ZFP64: variants seen among roughly 807,000 people sequenced by gnomAD.
ZFP64 encodes ZFP64 zinc finger protein, also known as zinc finger protein 64.
ZFP64 carries 14 observed loss-of-function variants against 51.6 expected under a neutral mutation model. The ratio of observed to expected loss-of-function variants is 0.27; its 90% confidence interval spans 0.18 to 0.42. The LOEUF (loss-of-function observed/expected upper bound fraction) is 0.42, where lower values mean the gene tolerates loss of function less well. Among genes scored for constraint, ZFP64 ranks in the 10% least tolerant of loss-of-function variants. The pLI, the probability that ZFP64 is intolerant of heterozygous loss-of-function variation, is 1.00. For synonymous variants in ZFP64, 375 were observed against 361.4 expected (o/e 1.04, Z -0.43); for missense variants, 754 against 906.8 (o/e 0.83, Z 2.16).
intron 5 of ZFP64, chr20:52,105,382 A>G: frequency 8.1e-7 from 1 of 1,236,728 alleles, no homozygotes; most frequent in Non-Finnish European, 1.0e-6. Context: ...CGATTTATCA[A>G]GAGTCCTGAC....
At chr20:52,129,988 C>T (rs1029873846) in intron 5 of ZFP64, among the ~76,000 whole-genome samples, 9 of 152,154 alleles carry the variant, frequency 5.9e-5, no homozygotes, top group African/African-American at 1.9e-4. Flanking sequence ...TCCCTGGCCA[C>T]GTTCCTGCTT....
intron 7 of ZFP64, among the ~76,000 whole-genome samples, chr20:52,092,900 C>T (rs576863497): frequency 1.3e-4 from 20 of 152,062 alleles, no homozygotes; most frequent in African/African-American, 4.6e-4. Flanking sequence ...ATAACAATGA[C>T]AAATTATGCT....
chr20:52,086,938 T>C (rs1431981091), intron 8 of ZFP64, among the ~76,000 whole-genome samples: 1 of 152,214 alleles, frequency 6.6e-6, no homozygotes, highest in African/African-American at 2.4e-5. Flanking sequence ...GTTTCCTCCC[T>C]TCCTTTGCTA....
intron 5 of ZFP64, among the ~76,000 whole-genome samples, chr20:52,123,187 C>T (rs998569710): frequency 6.6e-6 from 1 of 152,050 alleles, no homozygotes; most frequent in African/African-American, 2.4e-5. Flanking sequence ...GATGGGGTTT[C>T]GCCATGTTAG....
chr20:52,176,843 T>A (rs565449229), intron 2 of ZFP64, among the ~76,000 whole-genome samples: 21 of 152,346 alleles, frequency 1.4e-4, no homozygotes, highest in African/African-American at 5.1e-4. Flanking sequence ...GCTGCGTGCC[T>A]GCCTATAATT....
chr20:52,119,533 A>ATATATATAT (rs1555802531), intron 5 of ZFP64, among the ~76,000 whole-genome samples: 11 of 89,836 alleles, frequency 1.2e-4, no homozygotes, highest in African/African-American at 4.7e-4. Flanking sequence ...AAAAAAAAAA[A>ATATATATAT]ATATATATAT....
At chr20:52,099,250 G>A (rs2079025696) in intron 5 of ZFP64, among the ~76,000 whole-genome samples, 1 of 151,994 alleles carries the variant, frequency 6.6e-6, no homozygotes, top group Non-Finnish European at 1.5e-5. Context: ...TTAGGGGAGA[G>A]GTGGAATAAG....
intron 1 of ZFP64, among the ~76,000 whole-genome samples, chr20:52,188,828 T>C (rs1344232395): frequency 1.3e-5 from 2 of 151,320 alleles, no homozygotes; most frequent in East Asian, 2.0e-4. Flanking sequence ...CAAAAAAAAT[T>C]AGCCCGGCGT....
In ZFP64 at chr20:52,151,306, T is replaced by A. The variant is rs528318075; in HGVS notation, c.*840A>T. Reference sequence around the variant, plus strand: ...ATTTTAATCAGATATCAATTTATTATGGAACCATTCATTTTCTGCTCATTA... The same window carrying A: ...ATTTTAATCAGATATCAATTTATTAAGGAACCATTCATTTTCTGCTCATTA... On this transcript the variant is annotated 3_prime_UTR_variant, in exon 6 of 6. Coordinates refer to ENST00000216923, the MANE Select transcript of ZFP64 (RefSeq NM_018197.3). 1.0e-6 allele frequency: 1 copy of A among 985,346 alleles called. No homozygotes were observed. The highest frequency in any genetic ancestry group is 1.1e-4 in the East Asian group (1 of 8,820). 61.0% of individuals were successfully genotyped at this position (985,346 alleles called of 1,614,324 possible). A position where few individuals can be genotyped will look rare whatever the true frequency, so the allele number is the denominator to read the frequency against.
At chr20:52,106,237 T>C (rs548111028) in intron 5 of ZFP64, among the ~76,000 whole-genome samples, 1 of 152,266 alleles carries the variant, frequency 6.6e-6, no homozygotes, top group South Asian at 2.1e-4. Flanking sequence ...GGGACCTCGA[T>C]GAGACCCGAG....
chr20:52,182,593 C>A (rs984963288), intron 2 of ZFP64, among the ~76,000 whole-genome samples: 1 of 152,120 alleles, frequency 6.6e-6, no homozygotes, highest in Non-Finnish European at 1.5e-5. Context: ...GTGGCGCAGG[C>A]CTGTAGTCCC....
chr20:52,160,082 A>G lies in ZFP64; in HGVS notation c.763+41T>C, dbSNP rs1981649696. 1.9e-6 allele frequency: 3 copies of G among 1,613,600 alleles called. No homozygotes were observed. Among genetic ancestry groups the G allele is most frequent in the Non-Finnish European group, 2.5e-6 (3 of 1,179,882 alleles). On this transcript the variant is annotated intron_variant, in intron 5 of 5. Transcript: ENST00000216923. This position sits in a 1 kb window ranked among gnomAD's most constrained non-coding sequence, Gnocchi z 4.2. ...AAGGTGCTTATGATTTATGCCATAG[A>G]AAGTGAGGAGCGTAGAGAGCAAATA...
exon 9 of ZFP64, chr20:52,084,525 G>A: frequency 1.3e-6 from 2 of 1,585,038 alleles, no homozygotes; most frequent in Non-Finnish European, 1.7e-6. Context: ...CTGGTCAGAA[G>A]TTCCGACAGC....
intron 2 of ZFP64, among the ~76,000 whole-genome samples, chr20:52,173,197 A>G (rs947898268): frequency 6.6e-6 from 1 of 152,122 alleles, no homozygotes; most frequent in African/African-American, 2.4e-5. Context: ...CCATTTAACA[A>G]ATCCTTTTCT....
chr20:52,097,959 T>G (rs773971344), intron 6 of ZFP64, among the ~76,000 whole-genome samples: 1 of 151,872 alleles, frequency 6.6e-6, no homozygotes, highest in African/African-American at 2.4e-5. Context: ...TCCCAACTAC[T>G]CAGGGGGCGG....
intron 2 of ZFP64, among the ~76,000 whole-genome samples, chr20:52,174,841 T>C (rs770961989): frequency 1.3e-5 from 2 of 152,238 alleles, no homozygotes; most frequent in Admixed American, 6.5e-5. Flanking sequence ...TATATAATTA[T>C]AACATCCTTT....
intron 5 of ZFP64, among the ~76,000 whole-genome samples, chr20:52,112,818 T>C (rs1238292753): frequency 2.0e-5 from 3 of 151,944 alleles, no homozygotes; most frequent in African/African-American, 7.2e-5. Flanking sequence ...TGTTTCACCA[T>C]GTTGCCCAGG....
intron 5 of ZFP64, among the ~76,000 whole-genome samples, chr20:52,121,810 T>G (rs551520857): frequency 6.6e-6 from 1 of 152,312 alleles, no homozygotes; most frequent in Non-Finnish European, 1.5e-5. Context: ...GAGAAGTCAA[T>G]GTCTGGCTTC....
intron 5 of ZFP64, among the ~76,000 whole-genome samples, chr20:52,141,575 A>C (rs1980256641): frequency 6.6e-6 from 1 of 152,226 alleles, no homozygotes; most frequent in South Asian, 2.1e-4. Context: ...AACTAGAATT[A>C]GAAGTGGAAC....
Sources: gnomAD v4.1 joint callset for allele counts (sites outside exome capture counted in the v4.1 genomes callset) on GRCh38, gnomAD v4.1.1 for gene constraint, Gnocchi (gnomAD v3.1) non-coding constraint, MANE v1.5 for transcripts, NCBI Gene and HGNC (gene_info 2026-07-23, HGNC 2026-07-21) for gene names.